Variants in ADGRL3 observed in about 807,000 individuals in gnomAD.
ADGRL3 encodes the protein adhesion G protein-coupled receptor L3, also known as calcium-independent alpha-latrotoxin receptor 3.
Under a neutral mutation model 153.5 loss-of-function variants are expected in ADGRL3, and 62 were observed. The observed-to-expected ratio is 0.40, with a 90% CI of 0.33 to 0.50. The LOEUF (loss-of-function observed/expected upper bound fraction) is 0.50, where lower values mean the gene tolerates loss of function less well. Ranked by LOEUF, ADGRL3 falls within the 20% of genes least tolerant of loss-of-function variation. ADGRL3 has a pLI of 0.47. For missense variants in ADGRL3, 1,641 were observed against 1,859.4 expected, an observed-to-expected ratio of 0.88 and a Z score of 2.16; for synonymous variants, 710 against 672.5, an observed-to-expected ratio of 1.06 and a Z score of -0.86.
intron 5 of ADGRL3, among the ~76,000 whole-genome samples, chr4:61,648,380 A>C (rs1167222732): frequency 1.4e-5 from 2 of 146,040 alleles, no homozygotes; most frequent in Admixed American, 1.4e-4. Context: ...TAATTTGAAG[A>C]CAACCCTCAA....
chr4:61,517,328 TGAACGACATCC>T lies in ADGRL3; in HGVS notation c.70_80del (p.Glu24CysfsTer10), dbSNP rs1560769348. ...CGGTCCCCGCAGGTGGCAAGCACAG[TGAACGACATCC>T]TGCCCTTGCTGCTCCATTGCGACAC... On this transcript the variant is annotated frameshift_variant, in exon 4 of 27. Transcript: ENST00000683033. LOFTEE classifies it high-confidence loss of function. 7.1e-6 allele frequency: 5 copies of T among 703,222 alleles called. No homozygotes were observed. Among genetic ancestry groups the T allele is most frequent in the Non-Finnish European group, 1.3e-5 (5 of 385,474 alleles). The allele number at this position is 703,222 out of a possible 1,614,324, so 43.6% of individuals were successfully genotyped here. A position where few individuals can be genotyped will look rare whatever the true frequency, so the allele number is the denominator to read the frequency against.
chr4:61,228,254 A>C (rs930344104), intron 1 of ADGRL3, among the ~76,000 whole-genome samples: 14 of 152,212 alleles, frequency 9.2e-5, no homozygotes, highest in African/African-American at 3.4e-4. Flanking sequence ...TTTTCTTCTT[A>C]TTCTGAAGTA....
At chr4:61,465,058 G>A (rs961016103) in intron 2 of ADGRL3, among the ~76,000 whole-genome samples, 4 of 152,164 alleles carry the variant, frequency 2.6e-5, no homozygotes, top group African/African-American at 7.2e-5. Context: ...GGATCCTGAT[G>A]TCAGAGTATA....
intron 21 of ADGRL3, among the ~76,000 whole-genome samples, chr4:62,001,604 A>G (rs1044512373): frequency 2.6e-5 from 4 of 152,204 alleles, no homozygotes; most frequent in African/African-American, 7.2e-5. Flanking sequence ...ATTGCTAAAG[A>G]AAAAAGGAGT....
At chr4:61,392,608 C>G (rs1457251689) in intron 2 of ADGRL3, among the ~76,000 whole-genome samples, 1 of 137,900 alleles carries the variant, frequency 7.3e-6, no homozygotes, top group African/African-American at 2.6e-5. Flanking sequence ...ATCGCTTGAA[C>G]CCGGTAAGCA....
intron 25 of ADGRL3, among the ~76,000 whole-genome samples, chr4:62,052,075 A>C (rs187792706): frequency 2.0e-5 from 3 of 151,054 alleles, no homozygotes; most frequent in East Asian, 1.9e-4. Flanking sequence ...TTTATTATCC[A>C]TTTTCTTTAT....
chr4:61,403,015 A>G (rs1187528404), intron 2 of ADGRL3, among the ~76,000 whole-genome samples: 1 of 148,802 alleles, frequency 6.7e-6, no homozygotes, highest in African/African-American at 2.5e-5. Flanking sequence ...TGGCTTGTAC[A>G]TGGCTGCCTT....
At position 62,066,258 on chromosome 4, in the gene ADGRL3, C is replaced by T. The variant is rs184871925; in HGVS notation, c.3815-1908C>T. 7.5e-4 allele frequency among the ~76,000 whole-genome samples: 114 copies of T among 152,074 alleles called. 2 individuals carry two copies. The highest frequency in any genetic ancestry group is 2.5e-3 in the African/African-American group (102 of 41,502). Reference sequence around the variant, plus strand: ...AATCTTACATGAAATATAGGTGGCTCGGTATGTACTGGAGTGGTTTATGTT... The same window carrying T: ...AATCTTACATGAAATATAGGTGGCTTGGTATGTACTGGAGTGGTTTATGTT... On this transcript the variant is annotated intron_variant, in intron 25 of 26. Coordinates refer to ENST00000683033, the MANE Select transcript of ADGRL3 (RefSeq NM_001387552.1).
intron 25 of ADGRL3, among the ~76,000 whole-genome samples, chr4:62,052,367 A>G (rs1426318344): frequency 6.6e-6 from 1 of 151,450 alleles, no homozygotes; most frequent in East Asian, 1.9e-4. Context: ...TCACGTCTTT[A>G]TTTCTAAAAT....
At chr4:61,220,795 A>T (rs1745102768) in intron 1 of ADGRL3, among the ~76,000 whole-genome samples, 1 of 152,196 alleles carries the variant, frequency 6.6e-6, no homozygotes, top group Non-Finnish European at 1.5e-5. Flanking sequence ...GAAAGGAATG[A>T]TTATCTAGCA....
Position 61,513,065 on chromosome 4 carries a change from C to T in ADGRL3, c.56-4250C>T, listed in dbSNP as rs548143928. Reference sequence around the variant, plus strand: ...AGCCCTGGTAACTCTGATAAATATGCCCAGGTTGTATTTTGTTTTTAGCAT... The same window carrying T: ...AGCCCTGGTAACTCTGATAAATATGTCCAGGTTGTATTTTGTTTTTAGCAT... On this transcript the variant is annotated intron_variant, in intron 3 of 26. Coordinates refer to ENST00000683033, the MANE Select transcript of ADGRL3 (RefSeq NM_001387552.1). Among the ~76,000 whole-genome samples the T allele has an allele frequency of 3.4e-3, 510 of 152,104 alleles. 7 individuals carry two copies. The highest frequency in any genetic ancestry group is 0.03 in the South Asian group (146 of 4,808).
chr4:61,913,135 A>C (rs2149856063), intron 13 of ADGRL3, among the ~76,000 whole-genome samples: 1 of 152,272 alleles, frequency 6.6e-6, no homozygotes, highest in Non-Finnish European at 1.5e-5. Flanking sequence ...CAGTCTTATA[A>C]GACAACAAGT....
At chr4:62,048,831 A>T (rs1732588520) in intron 25 of ADGRL3, among the ~76,000 whole-genome samples, 1 of 152,020 alleles carries the variant, frequency 6.6e-6, no homozygotes, top group African/African-American at 2.4e-5. Flanking sequence ...GGGATTACAG[A>T]CAAGAGCCTC....
At chr4:61,753,099 G>A (rs1580636321) in intron 8 of ADGRL3, among the ~76,000 whole-genome samples, 1 of 151,946 alleles carries the variant, frequency 6.6e-6, no homozygotes, top group Non-Finnish European at 1.5e-5. Flanking sequence ...GTCCTAGGAA[G>A]AGGATAGTTC....
At chr4:61,611,770 A>C (rs779739723) in intron 5 of ADGRL3, among the ~76,000 whole-genome samples, 3 of 151,866 alleles carry the variant, frequency 2.0e-5, no homozygotes, top group Non-Finnish European at 4.4e-5. Context: ...AAAATTTAAC[A>C]ATGTATTGGG....
intron 25 of ADGRL3, among the ~76,000 whole-genome samples, chr4:62,048,119 C>G (rs964520530): frequency 2.0e-5 from 3 of 152,142 alleles, no homozygotes; most frequent in Non-Finnish European, 4.4e-5. Context: ...ATTCAAATCT[C>G]TAGTAACTCC....
intron 19 of ADGRL3, among the ~76,000 whole-genome samples, chr4:61,990,798 A>C (rs2099100884): frequency 6.6e-6 from 1 of 151,920 alleles, no homozygotes; most frequent in Non-Finnish European, 1.5e-5. Context: ...TCTAGTAGCC[A>C]CAGAGAGTTT....
chr4:61,358,762 T>A (rs1296492960), intron 1 of ADGRL3, among the ~76,000 whole-genome samples: 2 of 152,112 alleles, frequency 1.3e-5, no homozygotes, highest in Non-Finnish European at 2.9e-5. Context: ...TTTTGGAGAT[T>A]CCCAAATCTC....
intron 2 of ADGRL3, 88 bp from the exon 3 acceptor site, chr4:61,497,033 A>G (rs1353006530): frequency 4.9e-6 from 2 of 407,692 alleles, no homozygotes; most frequent in Non-Finnish European, 8.6e-6. Flanking sequence ...GGATATTAAC[A>G]TGATGGCAAT....
Sources: gnomAD v4.1 joint callset for allele counts (sites outside exome capture counted in the v4.1 genomes callset) on GRCh38, gnomAD v4.1.1 for gene constraint, MANE v1.5 for transcripts, NCBI Gene and HGNC (gene_info 2026-07-23, HGNC 2026-07-21) for gene names.